RSPRY1: variants seen among roughly 807,000 people sequenced by gnomAD.
The protein encoded by RSPRY1 is ring finger and SPRY domain containing 1.
A neutral mutation model predicts 73.1 loss-of-function variants in RSPRY1; 23 were observed. The observed-to-expected ratio is 0.31, with a 90% CI of 0.23 to 0.45. The LOEUF (loss-of-function observed/expected upper bound fraction) is 0.45, where lower values mean the gene tolerates loss of function less well. Ranked by LOEUF, RSPRY1 falls within the 20% of genes least tolerant of loss-of-function variation. RSPRY1 has a pLI of 1.00. For missense variants in RSPRY1, 448 were observed against 698.7 expected (o/e 0.64, Z 4.05); for synonymous variants, 226 against 251.4 (o/e 0.90, Z 0.95).
intron 10 of RSPRY1, among the ~76,000 whole-genome samples, chr16:57,224,994 A>G (rs375205704): frequency 2.6e-5 from 4 of 152,290 alleles, no homozygotes; most frequent in African/African-American, 7.2e-5. Context: ...TAAGTTTTTT[A>G]CTTACTGACT....
At chr16:57,203,474 C>G (rs2074664360) in intron 1 of RSPRY1, among the ~76,000 whole-genome samples, 1 of 152,126 alleles carries the variant, frequency 6.6e-6, no homozygotes, top group Non-Finnish European at 1.5e-5. Flanking sequence ...CTTATGTGGC[C>G]TGTTCTCCAG....
At chr16:57,193,698 G>A (rs1345520405) in intron 1 of RSPRY1, among the ~76,000 whole-genome samples, 1 of 152,058 alleles carries the variant, frequency 6.6e-6, no homozygotes, top group Non-Finnish European at 1.5e-5. Context: ...TCTAGATAAT[G>A]TTCTCTATCT....
chr16:57,200,027 G>A (rs1486706048), intron 1 of RSPRY1, among the ~76,000 whole-genome samples: 4 of 145,438 alleles, frequency 2.8e-5, no homozygotes, highest in African/African-American at 1.0e-4. Flanking sequence ...AAGGTCTCTG[G>A]TTTTCCTAGG....
Position 57,189,457 on chromosome 16 carries a change from G to A in RSPRY1, c.-156+3006G>A, listed in dbSNP as rs1597840524. ...AGTGTGTTAATCTGTAGTGAATCAG[G>A]TAAAAACAACAAATCTGAGTTATGT... On this transcript the variant is annotated intron_variant, in intron 1 of 14. Transcript: ENST00000394420. Among the ~76,000 whole-genome samples, 3 of 150,972 alleles carry A rather than the reference G, an allele frequency of 2.0e-5. No homozygotes were observed. In the South Asian group the frequency reaches 6.2e-4, roughly 31 times the overall value.
At chr16:57,225,071 T>C (rs1395237408) in intron 10 of RSPRY1, among the ~76,000 whole-genome samples, 4 of 150,856 alleles carry the variant, frequency 2.7e-5, no homozygotes, top group Non-Finnish European at 5.9e-5. Flanking sequence ...TTTGTTTTGT[T>C]TTGTTTTGAG....
At position 57,208,084 on chromosome 16, in the gene RSPRY1, T is replaced by C; in HGVS notation, c.377T>C (p.Ile126Thr). 1 of 1,597,008 alleles carries C rather than the reference T, an allele frequency of 6.3e-7. No individual in the cohort carries two copies. ...GATCAGGAACCTCCCTATTCAATGA[T>C]AACATTACACGAAATGGCAGAAACA... ...DNDQEPPYSM[I>T]TLHEMAETDE... Residue 126 changes from isoleucine to threonine, a missense_variant, in exon 3 of 15, where the codon ATA (isoleucine) becomes ACA (threonine). Physicochemically the swap from Ile to Thr is moderately conservative, Grantham distance 89 (BLOSUM62 -1). Transcript: ENST00000394420.
chr16:57,216,802 A>C, intron 7 of RSPRY1, 102 bp from the exon 8 acceptor site: 1 of 1,092,226 alleles, frequency 9.2e-7, no homozygotes, highest in Non-Finnish European at 1.4e-6. Flanking sequence ...TCTAGTCTCC[A>C]ATTCTTTAAT....
At chr16:57,227,146 G>T (rs190565034) in intron 10 of RSPRY1, among the ~76,000 whole-genome samples, 196 bp from the exon 11 acceptor site, 207 of 152,296 alleles carry the variant, frequency 1.4e-3, no homozygotes, top group East Asian at 4.8e-3. Context: ...ATATTTGTTG[G>T]TGAAGTCATT....
chr16:57,225,890 C>T (rs1428618097), intron 10 of RSPRY1, among the ~76,000 whole-genome samples: 1 of 152,144 alleles, frequency 6.6e-6, no homozygotes, highest in African/African-American at 2.4e-5. Flanking sequence ...ACCAGCCTGA[C>T]CAACATGGAG....
chr16:57,221,070 C>G (rs749364175), intron 9 of RSPRY1, among the ~76,000 whole-genome samples: 10 of 152,162 alleles, frequency 6.6e-5, no homozygotes, highest in Admixed American at 3.9e-4. Context: ...TGGCTGCAAA[C>G]AATTCTTTGA....
intron 1 of RSPRY1, among the ~76,000 whole-genome samples, chr16:57,203,808 C>T (rs1308080213): frequency 6.6e-6 from 1 of 152,208 alleles, no homozygotes; most frequent in Non-Finnish European, 1.5e-5. Context: ...TTGTAATAGA[C>T]ATGTGCAACA....
rs2075356474 is a variant in RSPRY1, at chr16:57,240,144, A to G, written c.*1169A>G. The G allele has an allele frequency of 6.6e-6, 1 of 152,114 alleles. No individual in the cohort carries two copies. The highest frequency in any genetic ancestry group is 2.1e-4 in the South Asian group (1 of 4,828). The allele number at this position is 152,114 out of a possible 1,614,324, so 9.4% of individuals were successfully genotyped here. ...TTCAATTTATGCCAAGTCCTTACAG[A>G]GTTTATACTTGAATAGTAAATATGT... On this transcript the variant is annotated 3_prime_UTR_variant, in exon 15 of 15. Transcript: ENST00000394420.
intron 1 of RSPRY1, among the ~76,000 whole-genome samples, chr16:57,201,563 G>A (rs1483856276): frequency 5.9e-5 from 9 of 152,202 alleles, no homozygotes; most frequent in East Asian, 1.9e-4. Flanking sequence ...GGTGGCGGCC[G>A]GGCAGAGGCT....
At chr16:57,228,621 T>C (rs1304932076) in intron 11 of RSPRY1, among the ~76,000 whole-genome samples, 3 of 152,158 alleles carry the variant, frequency 2.0e-5, no homozygotes, top group Non-Finnish European at 4.4e-5. Flanking sequence ...ATTTTATATA[T>C]ATGTATATTT....
intron 9 of RSPRY1, 80 bp downstream of exon 9, chr16:57,220,927 G>A (rs1253663974): frequency 9.8e-7 from 1 of 1,022,442 alleles, no homozygotes; most frequent in Non-Finnish European, 1.5e-6. Flanking sequence ...AGTTGTCTTA[G>A]GGCTGGTGCT....
chr16:57,224,926 A>G (rs986819804), intron 10 of RSPRY1, among the ~76,000 whole-genome samples: 2 of 152,262 alleles, frequency 1.3e-5, no homozygotes, highest in African/African-American at 4.8e-5. Context: ...GAAGGTGAAG[A>G]TAGAAAAGAA....
intron 10 of RSPRY1, among the ~76,000 whole-genome samples, chr16:57,225,926 A>G (rs1253228420): frequency 6.6e-6 from 1 of 152,170 alleles, no homozygotes; most frequent in African/African-American, 2.4e-5. Flanking sequence ...TAAAAATACA[A>G]AATTAGCTGG....
intron 1 of RSPRY1, among the ~76,000 whole-genome samples, chr16:57,192,264 A>G (rs1284967701): frequency 1.3e-5 from 2 of 152,228 alleles, no homozygotes; most frequent in Non-Finnish European, 2.9e-5. Flanking sequence ...TTTCTGTAAT[A>G]GAAAAATCCT....
At chr16:57,199,877 A>T (rs1214646861) in intron 1 of RSPRY1, among the ~76,000 whole-genome samples, 100 of 86,322 alleles carry the variant, frequency 1.2e-3, no homozygotes, top group East Asian at 1.6e-3. Context: ...CAGTTTACTC[A>T]TTTTGTTTTT....
Sources: allele counts gnomAD v4.1 joint callset (sites outside exome capture counted in the v4.1 genomes callset), GRCh38; gene constraint gnomAD v4.1.1; transcripts MANE v1.5; gene names NCBI Gene and HGNC (gene_info 2026-07-23, HGNC 2026-07-21).